The following OLFM3 variants were observed in gnomAD, a reference collection of about 807,000 sequenced individuals.
OLFM3 encodes the protein olfactomedin 3.
OLFM3 carries 20 observed loss-of-function variants against 48.6 expected under a neutral mutation model. The observed-to-expected ratio is 0.41, with a 90% CI of 0.29 to 0.60. The LOEUF (loss-of-function observed/expected upper bound fraction) is 0.60. Ranked by LOEUF, OLFM3 falls within the 20% of genes least tolerant of loss-of-function variation. The pLI is 0.28. For missense variants in OLFM3, 437 were observed against 544.3 expected, an observed-to-expected ratio of 0.80 and a Z score of 1.96; for synonymous variants, 222 against 198.1, an observed-to-expected ratio of 1.12 and a Z score of -1.01.
At chr1:101,862,453 A>G (rs999970388) in intron 1 of OLFM3, among the ~76,000 whole-genome samples, 1 of 152,240 alleles carries the variant, frequency 6.6e-6, no homozygotes, top group Non-Finnish European at 1.5e-5. Flanking sequence ...TGTTACTCTT[A>G]CTATTATTGT....
In OLFM3 at chr1:101,846,986, A is replaced by G. The variant is rs775315988; in HGVS notation, c.70-9961T>C. On this transcript the variant is annotated intron_variant, in intron 1 of 5. Coordinates refer to ENST00000370103, the MANE Select transcript of OLFM3 (RefSeq NM_058170.4). ...GTGGAGGACTCATTGCTGTGGAGCT[A>G]ATGAGTTTTCATAGTGACTGATTAA... The G allele has an allele frequency of 1.1e-5, 17 of 1,608,090 alleles. No individual in the cohort carries two copies. In the African/African-American group the frequency reaches 2.1e-4, roughly 20 times the overall value.
At chr1:101,853,942 A>G (rs1656320161) in intron 1 of OLFM3, among the ~76,000 whole-genome samples, 1 of 152,050 alleles carries the variant, frequency 6.6e-6, no homozygotes, top group Admixed American at 6.6e-5. Context: ...TCTATTGATA[A>G]GCTTCACGGG....
chr1:101,822,313 A>G (rs1654648303), intron 4 of OLFM3, among the ~76,000 whole-genome samples: 1 of 152,174 alleles, frequency 6.6e-6, no homozygotes, highest in South Asian at 2.1e-4. Context: ...TGTGTTGTTC[A>G]TTCAAAAACA....
chr1:101,916,497 T>G (rs576675642), intron 1 of OLFM3, among the ~76,000 whole-genome samples: 3 of 152,158 alleles, frequency 2.0e-5, no homozygotes, highest in Non-Finnish European at 1.5e-5. Context: ...GCATTCTGGC[T>G]GGCTGAATTT....
At chr1:101,949,306 C>A (rs2101068638) in intron 1 of OLFM3, among the ~76,000 whole-genome samples, 1 of 152,146 alleles carries the variant, frequency 6.6e-6, no homozygotes, top group South Asian at 2.1e-4. Flanking sequence ...GTTCTTAGGC[C>A]AAGAAAGACA....
chr1:101,820,658 C>T (rs932479690), intron 4 of OLFM3, among the ~76,000 whole-genome samples: 2 of 152,000 alleles, frequency 1.3e-5, no homozygotes, highest in Non-Finnish European at 2.9e-5. Flanking sequence ...CATGGTGCCC[C>T]AGTGGTCTTG....
intron 2 of OLFM3, among the ~76,000 whole-genome samples, chr1:101,831,404 G>C (rs1655141923): frequency 6.6e-6 from 1 of 152,172 alleles, no homozygotes; most frequent in Non-Finnish European, 1.5e-5. Context: ...CTGGAAAAGG[G>C]TAACTGCATC....
At chr1:101,858,300 GA>G (rs1399641383) in intron 1 of OLFM3, among the ~76,000 whole-genome samples, 3 of 152,030 alleles carry the variant, frequency 2.0e-5, no homozygotes, top group African/African-American at 7.3e-5. Flanking sequence ...GTTTCACAGT[GA>G]AACATGAAAC....
intron 1 of OLFM3, chr1:101,846,783 A>G: frequency 5.5e-6 from 7 of 1,280,034 alleles, no homozygotes; most frequent in Non-Finnish European, 7.9e-6. Flanking sequence ...TGCAATTTAC[A>G]AAACAAAGCC....
At chr1:101,987,996 T>G (rs975463767) in intron 1 of OLFM3, among the ~76,000 whole-genome samples, 1 of 152,054 alleles carries the variant, frequency 6.6e-6, no homozygotes, top group Non-Finnish European at 1.5e-5. Flanking sequence ...TTATTAAAAA[T>G]TATTCTTGAT....
At chr1:101,945,625 G>A (rs1482133901) in intron 1 of OLFM3, among the ~76,000 whole-genome samples, 1 of 151,946 alleles carries the variant, frequency 6.6e-6, no homozygotes, top group East Asian at 1.9e-4. Context: ...ACATAAAACT[G>A]TACACTTATC....
At chr1:101,814,230 G>T (rs1654218258) in intron 4 of OLFM3, among the ~76,000 whole-genome samples, 1 of 149,684 alleles carries the variant, frequency 6.7e-6, no homozygotes, top group Non-Finnish European at 1.5e-5. Context: ...TGACCTATGT[G>T]CTTCATTCAT....
At chr1:101,837,465 T>C (rs1655483747) in intron 1 of OLFM3, among the ~76,000 whole-genome samples, 6 of 152,198 alleles carry the variant, frequency 3.9e-5, no homozygotes, top group Admixed American at 3.9e-4. Context: ...AACAAAGTCC[T>C]GTTTCAAGGA....
intron 1 of OLFM3, among the ~76,000 whole-genome samples, chr1:101,970,601 C>T (rs12027913): frequency 0.25 from 37,740 of 152,166 alleles, 5,262 homozygotes; most frequent in Middle Eastern, 0.36. Context: ...TCTGGGGATA[C>T]AGATAATGAA....
chr1:101,869,787 G>A (rs866030178), intron 1 of OLFM3, among the ~76,000 whole-genome samples: 6 of 152,088 alleles, frequency 3.9e-5, no homozygotes, highest in African/African-American at 9.7e-5. Context: ...GAGTTCTCAC[G>A]ATATCTGATG....
chr1:101,964,970 G>A (rs1660568515), intron 1 of OLFM3, among the ~76,000 whole-genome samples: 1 of 152,156 alleles, frequency 6.6e-6, no homozygotes, highest in East Asian at 1.9e-4. Flanking sequence ...TTCTGTGACA[G>A]CAAATTAGTC....
rs998009896 is a variant in OLFM3, at chr1:101,840,782, C to T, written c.70-3757G>A. Among the ~76,000 whole-genome samples, 5 of 152,052 alleles carry T rather than the reference C, an allele frequency of 3.3e-5. No individual in the cohort carries two copies. In the South Asian group the frequency reaches 6.2e-4, roughly 19 times the overall value. ...ACTACACCATCAATTATTTTAATAC[C>T]CTTTCATACATAATGATTATAACCT... On this transcript the variant is annotated intron_variant, in intron 1 of 5. Coordinates refer to ENST00000370103, the MANE Select transcript of OLFM3 (RefSeq NM_058170.4).
At chr1:101,988,993 G>T (rs758593565) in intron 1 of OLFM3, among the ~76,000 whole-genome samples, 4 of 152,060 alleles carry the variant, frequency 2.6e-5, no homozygotes, top group Non-Finnish European at 2.9e-5. Context: ...TGTAGCTAAA[G>T]ATACAAATAT....
chr1:101,856,515 T>C (rs1397983312), intron 1 of OLFM3, among the ~76,000 whole-genome samples: 1 of 152,018 alleles, frequency 6.6e-6, no homozygotes, highest in African/African-American at 2.4e-5. Context: ...CGTCTGAACA[T>C]AGCAATAGAT....
Sources: gnomAD v4.1 joint callset for allele counts (sites outside exome capture counted in the v4.1 genomes callset) on GRCh38, gnomAD v4.1.1 for gene constraint, MANE v1.5 for transcripts, NCBI Gene and HGNC (gene_info 2026-07-23, HGNC 2026-07-21) for gene names.